The following C8orf34 variants were observed in gnomAD, a reference collection of about 807,000 sequenced individuals.
C8orf34 encodes uncharacterized protein C8orf34.
A neutral mutation model predicts 68.3 loss-of-function variants in C8orf34; 65 were observed. The observed-to-expected ratio is 0.95, with a 90% CI of 0.78 to 1.17. The LOEUF is 1.17. Ranked by LOEUF, C8orf34 falls within the 50% of genes most tolerant of loss-of-function variation. The pLI is 0.00. For missense variants in C8orf34, 664 were observed against 655.4 expected, an observed-to-expected ratio of 1.01 and a Z score of -0.14; for synonymous variants, 244 against 241.2, an observed-to-expected ratio of 1.01 and a Z score of -0.11.
chr8:68,510,730 T>C (rs189636121), intron 5 of C8orf34, among the ~76,000 whole-genome samples: 26 of 152,304 alleles, frequency 1.7e-4, no homozygotes, highest in African/African-American at 6.0e-4. Flanking sequence ...CAAGAATAAT[T>C]ATTTCTACAT....
chr8:68,816,062 T>C, intron 13 of C8orf34, 117 bp downstream of exon 13: 1 of 1,537,060 alleles, frequency 6.5e-7, no homozygotes, highest in Non-Finnish European at 8.9e-7. Context: ...TGAGAATAGG[T>C]TTTTCTCCAA....
chr8:68,797,091 T>A (rs1417092131), intron 12 of C8orf34, among the ~76,000 whole-genome samples: 3 of 152,218 alleles, frequency 2.0e-5, no homozygotes, highest in Non-Finnish European at 4.4e-5. Context: ...CCTCCCAAAG[T>A]GCTGGGATTA....
chr8:68,473,032 T>G (rs1812447702), intron 4 of C8orf34, among the ~76,000 whole-genome samples: 1 of 152,192 alleles, frequency 6.6e-6, no homozygotes, highest in Non-Finnish European at 1.5e-5. Flanking sequence ...GTTTTCCTTC[T>G]TCCTCCTTCA....
chr8:68,371,674 A>G (rs1177914232), intron 1 of C8orf34, among the ~76,000 whole-genome samples: 1 of 149,784 alleles, frequency 6.7e-6, no homozygotes, highest in African/African-American at 2.5e-5. Context: ...ATCTCGGCTC[A>G]CTGCAACCTC....
chr8:68,617,085 G>C (rs1485475022), intron 7 of C8orf34, among the ~76,000 whole-genome samples: 2 of 152,126 alleles, frequency 1.3e-5, no homozygotes, highest in Non-Finnish European at 2.9e-5. Flanking sequence ...TTTAAAGTCT[G>C]TTTTATCAGA....
chr8:68,747,097 T>A (rs1425452121), intron 10 of C8orf34, among the ~76,000 whole-genome samples: 1 of 152,000 alleles, frequency 6.6e-6, no homozygotes, highest in Non-Finnish European at 1.5e-5. Context: ...AATCAATAAA[T>A]GTAATCCAGC....
At chr8:68,679,500 A>G (rs1295273341) in intron 8 of C8orf34, among the ~76,000 whole-genome samples, 2 of 152,134 alleles carry the variant, frequency 1.3e-5, no homozygotes, top group Non-Finnish European at 2.9e-5. Context: ...CATTCTACCC[A>G]AGGCAATCTA....
intron 12 of C8orf34, among the ~76,000 whole-genome samples, chr8:68,799,637 T>C (rs989756887): frequency 6.6e-6 from 1 of 152,198 alleles, no homozygotes; most frequent in African/African-American, 2.4e-5. Flanking sequence ...CAATCATATT[T>C]GTGGATCTTG....
intron 7 of C8orf34, among the ~76,000 whole-genome samples, chr8:68,550,673 C>T (rs1303833003): frequency 6.6e-6 from 1 of 151,688 alleles, no homozygotes; most frequent in Admixed American, 6.6e-5. Context: ...AACAAATTTC[C>T]TCAATTTTAA....
intron 1 of C8orf34, among the ~76,000 whole-genome samples, chr8:68,411,953 G>A (rs1370483686): frequency 1.3e-5 from 2 of 152,174 alleles, no homozygotes; most frequent in East Asian, 1.9e-4. Flanking sequence ...TAAGTCATGA[G>A]GACAGTGCCC....
chr8:68,379,221 A>G (rs1294071057), intron 1 of C8orf34, among the ~76,000 whole-genome samples: 2 of 152,210 alleles, frequency 1.3e-5, no homozygotes, highest in Non-Finnish European at 2.9e-5. Context: ...AAGATGATGG[A>G]ATGCTTTAGC....
intron 1 of C8orf34, among the ~76,000 whole-genome samples, chr8:68,433,677 A>G (rs1810540896): frequency 6.6e-6 from 1 of 152,242 alleles, no homozygotes; most frequent in Admixed American, 6.5e-5. Flanking sequence ...GGTAAACACC[A>G]GGAATATTGT....
intron 9 of C8orf34, among the ~76,000 whole-genome samples, chr8:68,714,549 T>C (rs1305955552): frequency 6.6e-6 from 1 of 151,888 alleles, no homozygotes; most frequent in Non-Finnish European, 1.5e-5. Flanking sequence ...AAAAAATACT[T>C]AGGAATATAA....
At chr8:68,460,357 G>A (rs957275347) in intron 3 of C8orf34, among the ~76,000 whole-genome samples, 1 of 152,210 alleles carries the variant, frequency 6.6e-6, no homozygotes, top group Non-Finnish European at 1.5e-5. Flanking sequence ...CCACCTCTGG[G>A]GGCAGGGCAC....
intron 1 of C8orf34, among the ~76,000 whole-genome samples, chr8:68,375,827 T>G (rs1352720196): frequency 6.6e-6 from 1 of 152,200 alleles, no homozygotes; most frequent in Non-Finnish European, 1.5e-5. Flanking sequence ...AAAAGTATGA[T>G]TAGACTTGAA....
intron 4 of C8orf34, among the ~76,000 whole-genome samples, chr8:68,469,610 T>C (rs1812293204): frequency 1.3e-5 from 2 of 152,044 alleles, no homozygotes; most frequent in African/African-American, 2.4e-5. Flanking sequence ...AAAGTATTCC[T>C]ACATTTTTTT....
At chr8:68,480,041 A>C (rs2129630988) in intron 4 of C8orf34, among the ~76,000 whole-genome samples, 1 of 152,332 alleles carries the variant, frequency 6.6e-6, no homozygotes, top group East Asian at 1.9e-4. Flanking sequence ...GTAACAGAAA[A>C]TGTTTTCAAC....
chr8:68,791,306 G>A (rs12676077), intron 12 of C8orf34: 19,774 of 197,322 alleles, frequency 0.1, 1,444 homozygotes, highest in East Asian at 0.38. Flanking sequence ...ATCAGCTCTC[G>A]TGAGAACTCA....
chr8:68,332,412 T>C (rs913596456), intron 1 of C8orf34, among the ~76,000 whole-genome samples: 2 of 45,230 alleles, frequency 4.4e-5, no homozygotes, highest in East Asian at 5.8e-4. Context: ...CCAGAAGCAG[T>C]TGTAGCTGTT....
Sources: gnomAD v4.1 joint callset for allele counts (sites outside exome capture counted in the v4.1 genomes callset) on GRCh38, gnomAD v4.1.1 for gene constraint, MANE v1.5 for transcripts, NCBI Gene and HGNC (gene_info 2026-07-23, HGNC 2026-07-21) for gene names.